FBXO41: variants seen among roughly 807,000 people sequenced by gnomAD.
The protein encoded by FBXO41 is F-box protein 41, also known as F-box only protein 41.
In FBXO41, 33 loss-of-function variants were observed where a neutral mutation model predicts 81.6. That is an observed-to-expected ratio of 0.40 (90% CI 0.31 to 0.54). The LOEUF (loss-of-function observed/expected upper bound fraction) is 0.54, where lower values mean the gene tolerates loss of function less well. Ranked by LOEUF, FBXO41 falls within the 20% of genes least tolerant of loss-of-function variation. FBXO41 has a pLI of 0.39. For missense variants in FBXO41, 1,107 were observed against 1,236.0 expected, an observed-to-expected ratio of 0.90 and a Z score of 1.56; for synonymous variants, 576 against 552.7, an observed-to-expected ratio of 1.04 and a Z score of -0.59.
At chr2:73,276,417 C>CA (rs113361058) in intron 1 of FBXO41, among the ~76,000 whole-genome samples, 17 of 151,026 alleles carry the variant, frequency 1.1e-4, no homozygotes, top group African/African-American at 2.7e-4. Flanking sequence ...CAAAAAAAGA[C>CA]AAAAAAAATG....
intron 1 of FBXO41, among the ~76,000 whole-genome samples, chr2:73,280,109 C>T (rs935262922): frequency 4.7e-5 from 5 of 105,396 alleles, no homozygotes; most frequent in African/African-American, 1.8e-4. Flanking sequence ...TGGATAGCGA[C>T]CCCCCCTGCC....
In FBXO41 at chr2:73,265,949, G is replaced by A. The variant is rs1469239599; in HGVS notation, c.1149C>T (p.Gly383=). Reference sequence around the variant, plus strand: ...CTGCATATGTGTTAGGCACGGCCGGGCCCACGTGGTGTTCTCGCTGTGGGC... The same window carrying A: ...CTGCATATGTGTTAGGCACGGCCGGACCCACGTGGTGTTCTCGCTGTGGGC... ...GPGRMREHHV[G]PAVPNTYAVS... Residue 383 remains glycine, a synonymous_variant, in exon 4 of 13, where the codon GGC becomes GGT. Coordinates refer to ENST00000520530, the MANE Select transcript of FBXO41 (RefSeq NM_001371389.2). 4 of 1,578,304 alleles carry A rather than the reference G, an allele frequency of 2.5e-6. No individual in the cohort carries two copies. Among genetic ancestry groups the A allele is most frequent in the South Asian group, 1.2e-5 (1 of 85,958 alleles).
chr2:73,275,624 C>T (rs1688661240), intron 1 of FBXO41, among the ~76,000 whole-genome samples: 1 of 152,182 alleles, frequency 6.6e-6, no homozygotes, highest in South Asian at 2.1e-4. Flanking sequence ...AGGTACCCAT[C>T]ATCCAGCTTC....
At chr2:73,281,176 A>G (rs1359175496) in intron 1 of FBXO41, among the ~76,000 whole-genome samples, 1 of 152,222 alleles carries the variant, frequency 6.6e-6, no homozygotes, top group Non-Finnish European at 1.5e-5. Flanking sequence ...CTGGGTACAC[A>G]TAAATGAATG....
In FBXO41 at chr2:73,263,845, G is replaced by A; in HGVS notation, c.1923-15C>T. On this transcript the variant is annotated splice_polypyrimidine_tract_variant and intron_variant, in intron 7 of 12. Transcript: ENST00000520530. ...CCAGGCAGCCCCTGGGGATGACCAAGAGGTCAGAGAGCTGGCAACCTCCTC... is the reference window on the plus strand; with the variant it reads ...CCAGGCAGCCCCTGGGGATGACCAAAAGGTCAGAGAGCTGGCAACCTCCTC... The A allele has an allele frequency of 1.2e-6, 2 of 1,614,062 alleles. No individual in the cohort carries two copies. Among genetic ancestry groups the A allele is most frequent in the Non-Finnish European group, 1.7e-6 (2 of 1,179,894 alleles).
rs1687882312 is a variant in FBXO41, at chr2:73,258,185, T to C, written c.*797A>G. The C allele has an allele frequency of 6.6e-6, 1 of 152,326 alleles. No individual in the cohort carries two copies. The highest frequency in any genetic ancestry group is 2.4e-5 in the African/African-American group (1 of 41,532). 9.4% of individuals were successfully genotyped at this position (152,326 alleles called of 1,614,324 possible). A position where few individuals can be genotyped will look rare whatever the true frequency, so the allele number is the denominator to read the frequency against. ...CTGGAGGGTCCCTCAGGAATGAATGTAGGTATAGAAACGTGCGCCTTTCAG... is the reference window on the plus strand; with the variant it reads ...CTGGAGGGTCCCTCAGGAATGAATGCAGGTATAGAAACGTGCGCCTTTCAG... On this transcript the variant is annotated 3_prime_UTR_variant, in exon 13 of 13. Transcript: ENST00000520530.
Position 73,264,292 on chromosome 2 carries a change from G to A in FBXO41, c.1792C>T (p.Arg598Cys), listed in dbSNP as rs1688140711. 8 of 1,613,504 alleles carry A rather than the reference G, an allele frequency of 5.0e-6. No homozygotes were observed. The highest frequency in any genetic ancestry group is 1.3e-5 in the African/African-American group (1 of 75,044). The change falls in exon 6 of 13, where the codon CGT becomes TGT. Residue 598 changes from arginine to cysteine, a missense_variant. Physicochemically the swap from Arg to Cys is radical, Grantham distance 180. Coordinates refer to ENST00000520530, the MANE Select transcript of FBXO41 (RefSeq NM_001371389.2). ...GGGGCAGGTACCTTGGAGCAGACAC[G>A]GGCATTCTCAAGCAGCACCCTTGTC... The part of the protein sequence containing the change: ...VWTRVLLENA[R>C]VCSKFLAMLA...
Position 73,265,476 on chromosome 2 carries a change from G to T in FBXO41, c.1370C>A (p.Pro457His), listed in dbSNP as rs865898892. ...ANGGSERSQP[P>H]RSSGLRRQAI... is the part of the protein sequence containing the mutation. The stretch of plus-strand genomic sequence containing the variant: ...CTGGCGCCGCAGGCCTGAGCTGCGA[G>T]GGGGCTGGGACCGCTCTGAGCCCCC... The change falls in exon 5 of 13, where the codon CCT becomes CAT. Residue 457 changes from proline (P) to histidine (H), a missense_variant. Transcript: ENST00000520530. The T allele has an allele frequency of 1.2e-6, 2 of 1,603,174 alleles. No homozygotes were observed. The highest frequency in any genetic ancestry group is 1.7e-6 in the Non-Finnish European group (2 of 1,178,110).
At chr2:73,273,563 A>T (rs777353056) in intron 1 of FBXO41, among the ~76,000 whole-genome samples, 23 of 152,224 alleles carry the variant, frequency 1.5e-4, no homozygotes, top group Non-Finnish European at 2.6e-4. Context: ...TGGTCAGGTC[A>T]GTAATGGACT....
rs1248559661 is a variant in FBXO41, at chr2:73,263,275, A to C, written c.2109T>G (p.Ile703Met). The change falls in exon 9 of 13, where the codon ATT becomes ATG. Residue 703 changes from isoleucine (I) to methionine (M), a missense_variant. Physicochemically the swap from Ile to Met is conservative, Grantham distance 10. Coordinates refer to ENST00000520530, the MANE Select transcript of FBXO41 (RefSeq NM_001371389.2). Reference protein sequence around the residue: ...SATDPVGHEVIWALGAGCREI... With the variant: ...SATDPVGHEVMWALGAGCREI... The stretch of plus-strand genomic sequence containing the variant: ...CTCTGCAGCCTGCGCCCAGGGCCCA[A>C]ATGACCTCATGGCCCACGGGGTCTG... The C allele has an allele frequency of 1.3e-6, 2 of 1,552,198 alleles. No individual in the cohort carries two copies. Among genetic ancestry groups the C allele is most frequent in the Non-Finnish European group, 1.7e-6 (2 of 1,148,214 alleles).
intron 1 of FBXO41, among the ~76,000 whole-genome samples, chr2:73,277,422 G>A (rs1688728832): frequency 6.6e-6 from 1 of 152,166 alleles, no homozygotes; most frequent in African/African-American, 2.4e-5. Flanking sequence ...TCTGTACTAT[G>A]AGCACCATGA....
chr2:73,275,973 G>A (rs1383951459), intron 1 of FBXO41, among the ~76,000 whole-genome samples: 1 of 150,310 alleles, frequency 6.7e-6, no homozygotes, highest in East Asian at 2.0e-4. Flanking sequence ...TTTTAGTAGA[G>A]GGGGGTTTCA....
rs1687858346 is a variant in FBXO41, at chr2:73,257,507, C to T, written c.*1475G>A. On this transcript the variant is annotated 3_prime_UTR_variant, in exon 13 of 13. Coordinates refer to ENST00000520530, the MANE Select transcript of FBXO41 (RefSeq NM_001371389.2). The surrounding 1 kb of genome is among the most constrained non-coding windows in gnomAD (Gnocchi z 4.6). ...GAAGGACTGGGTAACGAGGGGACCC[C>T]ATCCCCCGCCAGGACCAGCAGCCTA... The T allele has an allele frequency of 6.6e-6, 1 of 152,246 alleles. No individual in the cohort carries two copies. The highest frequency in any genetic ancestry group is 1.5e-5 in the Non-Finnish European group (1 of 68,098). 9.4% of individuals were successfully genotyped at this position (152,246 alleles called of 1,614,324 possible). A position where few individuals can be genotyped will look rare whatever the true frequency, so the allele number is the denominator to read the frequency against.
chr2:73,276,121 T>C (rs1303568872), intron 1 of FBXO41, among the ~76,000 whole-genome samples: 1 of 150,616 alleles, frequency 6.6e-6, no homozygotes, highest in Admixed American at 6.6e-5. Flanking sequence ...AAAAATGATA[T>C]GTAGTAGGCT....
intron 5 of FBXO41, among the ~76,000 whole-genome samples, chr2:73,264,924 T>C (rs1304108136): frequency 6.6e-6 from 1 of 151,852 alleles, no homozygotes; most frequent in Admixed American, 6.6e-5. Flanking sequence ...CCCTCTCACC[T>C]CCCAAACCAC....
rs768245332 is a variant in FBXO41, at chr2:73,258,968, G to A, written c.*14C>T. 2.4e-5 allele frequency: 37 copies of A among 1,563,604 alleles called. No homozygotes were observed. The highest frequency in any genetic ancestry group is 4.7e-5 in the South Asian group (4 of 84,758). ...GTGTGGGGCTGGCAGGGGCCCTGCC[G>A]CCCCCTACCCGGGTTAGCAGCCGCC... On this transcript the variant is annotated 3_prime_UTR_variant, in exon 13 of 13. Transcript: ENST00000520530.
At position 73,269,506 on chromosome 2, in the gene FBXO41, G is replaced by T; in HGVS notation, c.125C>A (p.Ser42Tyr). The T allele has an allele frequency of 7.4e-7, 1 of 1,350,146 alleles. No individual in the cohort carries two copies. Among genetic ancestry groups the T allele is most frequent in the Non-Finnish European group, 9.6e-7 (1 of 1,041,544 alleles). The allele number at this position is 1,350,146 out of a possible 1,614,324, so 83.6% of individuals were successfully genotyped here. Residue 42 changes from serine (S) to tyrosine (Y), a missense_variant, in exon 2 of 13, where the codon TCC becomes TAC. Physicochemically the swap from Ser to Tyr is moderately radical, Grantham distance 144. This residue lies in a region of FBXO41 where 771 missense variants were observed against 789.2 expected (regional missense o/e 0.98). Coordinates refer to ENST00000520530, the MANE Select transcript of FBXO41 (RefSeq NM_001371389.2). This position sits in a 1 kb window ranked among gnomAD's most constrained non-coding sequence, Gnocchi z 7.0. Reference sequence around the variant, plus strand: ...GCCGTCGCAGATGCTGTTGGTCTTGGAGAGGATGTAGAGCGTCTCGTAGGT... The same window carrying T: ...GCCGTCGCAGATGCTGTTGGTCTTGTAGAGGATGTAGAGCGTCTCGTAGGT... ...SHTYETLYILSKTNSICDGAA... is the reference protein window; with the variant it reads ...SHTYETLYILYKTNSICDGAA...
At position 73,268,985 on chromosome 2, in the gene FBXO41, C is replaced by T. The variant is rs1458220901; in HGVS notation, c.646G>A (p.Asp216Asn). Residue 216 changes from aspartate (D) to asparagine (N), a missense_variant, in exon 2 of 13, where the codon GAC becomes AAC. Asp to Asn is a conservative substitution (Grantham distance 23, BLOSUM62 1). Around this residue, in one of 2 missense-constraint regions of FBXO41, gnomAD observed 771 missense variants for 789.2 expected, o/e 0.98. Transcript: ENST00000520530. ...KIRALEKLEV[D>N]RRLERLSEEV... ...TCGCTCAGCCGCTCCAGCCGCCGGTCCACCTCCAGCTTCTCCAGCGCGCGG... is the reference window on the plus strand; with the variant it reads ...TCGCTCAGCCGCTCCAGCCGCCGGTTCACCTCCAGCTTCTCCAGCGCGCGG... 6.5e-7 allele frequency: 1 copy of T among 1,538,978 alleles called. No individual in the cohort carries two copies. The highest frequency in any genetic ancestry group is 8.7e-7 in the Non-Finnish European group (1 of 1,146,398).
At chr2:73,276,605 GGA>G (rs1688696146) in intron 1 of FBXO41, among the ~76,000 whole-genome samples, 1 of 46,238 alleles carries the variant, frequency 2.2e-5, no homozygotes, top group Admixed American at 2.4e-4. Flanking sequence ...AGAGAGAGAG[GGA>G]GAGAGGGAGA....
Sources: allele counts gnomAD v4.1 joint callset (sites outside exome capture counted in the v4.1 genomes callset), GRCh38; gene constraint gnomAD v4.1.1; regional missense constraint gnomAD v4.1.1; non-coding constraint Gnocchi (gnomAD v3.1); transcripts MANE v1.5; gene names NCBI Gene and HGNC (gene_info 2026-07-23, HGNC 2026-07-21).